Variants in ITSN2 observed in about 807,000 individuals in gnomAD.
The protein encoded by ITSN2 is intersectin-2.
A neutral mutation model predicts 243.7 loss-of-function variants in ITSN2; 156 were observed. The observed-to-expected ratio is 0.64, with a 90% confidence interval of 0.56 to 0.73. The LOEUF (loss-of-function observed/expected upper bound fraction) is 0.73, where lower values mean the gene tolerates loss of function less well. Among genes scored for constraint, ITSN2 ranks in the 30% least tolerant of loss-of-function variants. The pLI, the probability that ITSN2 is intolerant of heterozygous loss-of-function variation, is 0.00. For synonymous variants in ITSN2, 703 were observed against 699.9 expected, an observed-to-expected ratio of 1.00 and a Z score of -0.07; for missense variants, 1,801 against 1,996.1, an observed-to-expected ratio of 0.90 and a Z score of 1.86.
intron 20 of ITSN2, among the ~76,000 whole-genome samples, chr2:24,268,642 AT>A (rs1355523301): frequency 7.2e-5 from 11 of 152,186 alleles, no homozygotes; most frequent in African/African-American, 2.7e-4. Context: ...TTATACTTTA[AT>A]AAGAAAAAAC....
At chr2:24,205,097 A>C (rs575994828) in intron 38 of ITSN2, 117 bp downstream of exon 38, 1 of 769,606 alleles carries the variant, frequency 1.3e-6, no homozygotes, top group Non-Finnish European at 2.3e-6. Flanking sequence ...CAGTGAGCCA[A>C]GATCGTGCCA....
chr2:24,310,207 A>C lies in ITSN2; in HGVS notation c.653+77T>G, dbSNP rs927116797. 1.5e-5 allele frequency: 15 copies of C among 969,614 alleles called. No homozygotes were observed. In the African/African-American group the frequency reaches 2.5e-4, roughly 16 times the overall value. 60.1% of individuals were successfully genotyped at this position (969,614 alleles called of 1,614,324 possible). On this transcript the variant is annotated intron_variant, in intron 7 of 39. Coordinates refer to ENST00000355123, the MANE Select transcript of ITSN2 (RefSeq NM_006277.3). ...TAAAGTAAAACTTAGGTAAGCTCAA[A>C]GCTTTAAAAAAATCATTTGTTAAAT...
intron 24 of ITSN2, 104 bp downstream of exon 24, chr2:24,254,263 G>T (rs923617851): frequency 1.1e-4 from 86 of 765,712 alleles, no homozygotes; most frequent in Non-Finnish European, 3.7e-5. Context: ...CACAGAAATG[G>T]GGAGAATATG....
intron 1 of ITSN2, among the ~76,000 whole-genome samples, chr2:24,331,733 A>G (rs1685808690): frequency 6.6e-6 from 1 of 152,190 alleles, no homozygotes; most frequent in African/African-American, 2.4e-5. Flanking sequence ...TGGACTTTCC[A>G]GTGATGCCAC....
intron 17 of ITSN2, among the ~76,000 whole-genome samples, chr2:24,280,624 G>A (rs1033802849): frequency 6.6e-6 from 1 of 152,184 alleles, no homozygotes; most frequent in Non-Finnish European, 1.5e-5. Flanking sequence ...ATCAGGGTCA[G>A]AGGATAACTA....
intron 15 of ITSN2, among the ~76,000 whole-genome samples, chr2:24,286,631 G>A (rs756323808): frequency 6.6e-6 from 1 of 152,068 alleles, no homozygotes; most frequent in African/African-American, 2.4e-5. Flanking sequence ...TTCACCAATC[G>A]AATCCTCAGG....
In ITSN2 at chr2:24,220,850, T is replaced by G; in HGVS notation, c.3699+95A>C. ...ACACATCAAAAGTGATGCCTTGCTT[T>G]GACTCTGCGTGGAGGCAGCCCTGAG... On this transcript the variant is annotated intron_variant, in intron 30 of 39. Transcript: ENST00000355123. The G allele has an allele frequency of 2.0e-6, 3 of 1,477,516 alleles. No individual in the cohort carries two copies. The South Asian group carries it at 4.4e-5, about 22-fold the overall frequency. 91.5% of individuals were successfully genotyped at this position (1,477,516 alleles called of 1,614,324 possible).
At chr2:24,313,597 G>A (rs1356048165) in intron 3 of ITSN2, 74 bp from the exon 4 acceptor site, 1 of 961,182 alleles carries the variant, frequency 1.0e-6, no homozygotes, top group Non-Finnish European at 1.6e-6. Context: ...GAATAATAAT[G>A]GGTATATGTT....
At position 24,203,701 on chromosome 2, in the gene ITSN2, C is replaced by T; in HGVS notation, c.5019G>A (p.Leu1673=). 2 of 1,614,180 alleles carry T rather than the reference C, an allele frequency of 1.2e-6. No homozygotes were observed. The highest frequency in any genetic ancestry group is 2.2e-5 in the South Asian group (2 of 91,084). The part of the protein sequence containing the change: ...ESKGPMTRRL[L]LHEVPTGEVW... Reference sequence around the variant, plus strand: ...CCTCCCCGGTGGGGACCTCATGCAGCAGCAGTCGGCGGGTCATAGGGCCTT... The same window carrying T: ...CCTCCCCGGTGGGGACCTCATGCAGTAGCAGTCGGCGGGTCATAGGGCCTT... The change falls in exon 40 of 40, where the codon CTG becomes CTA. Residue 1673 remains leucine, a synonymous_variant. Coordinates refer to ENST00000355123, the MANE Select transcript of ITSN2 (RefSeq NM_006277.3).
chr2:24,354,225 C>G (rs939585508), intron 1 of ITSN2, among the ~76,000 whole-genome samples: 1 of 152,194 alleles, frequency 6.6e-6, no homozygotes, highest in Non-Finnish European at 1.5e-5. Context: ...GTGGGGCTGG[C>G]CCAAGATAAA....
chr2:24,286,506 T>C (rs1679530576), intron 15 of ITSN2, among the ~76,000 whole-genome samples, 155 bp from the exon 16 acceptor site: 1 of 152,200 alleles, frequency 6.6e-6, no homozygotes, highest in Non-Finnish European at 1.5e-5. Flanking sequence ...TCAGTTGTTA[T>C]TTCCACTTCC....
At chr2:24,330,805 C>T (rs955668403) in intron 1 of ITSN2, 25 of 399,748 alleles carry the variant, frequency 6.3e-5, no homozygotes, top group African/African-American at 2.3e-4. Context: ...CTCGCTCTAT[C>T]GCCCAGGCTG....
intron 23 of ITSN2, 71 bp from the exon 24 acceptor site, chr2:24,254,502 G>T: frequency 8.0e-7 from 1 of 1,256,080 alleles, no homozygotes; most frequent in Non-Finnish European, 1.2e-6. Flanking sequence ...GTGATTTGAT[G>T]CACAGCAGGT....
At chr2:24,355,831 G>A (rs537697396) in intron 1 of ITSN2, among the ~76,000 whole-genome samples, 38 of 152,282 alleles carry the variant, frequency 2.5e-4, no homozygotes, top group African/African-American at 8.2e-4. Context: ...ATAGGAGGCC[G>A]AGGTGGGAGG....
intron 37 of ITSN2, among the ~76,000 whole-genome samples, chr2:24,205,909 TAGAA>T (rs1209297331): frequency 6.6e-6 from 1 of 152,158 alleles, no homozygotes; most frequent in African/African-American, 2.4e-5. Flanking sequence ...CACTGAGGCT[TAGAA>T]AGGACTGGAG....
intron 17 of ITSN2, among the ~76,000 whole-genome samples, chr2:24,283,346 T>C (rs1170935369): frequency 6.6e-6 from 1 of 152,174 alleles, no homozygotes; most frequent in East Asian, 1.9e-4. Flanking sequence ...CGTCTCAGCT[T>C]CCTGAGTAGC....
intron 29 of ITSN2, chr2:24,239,381 T>A (rs2151246659): frequency 6.6e-6 from 1 of 152,228 alleles, no homozygotes; most frequent in East Asian, 1.9e-4. Context: ...TCAGTTACAT[T>A]TTTAATAGTT....
intron 17 of ITSN2, among the ~76,000 whole-genome samples, chr2:24,283,177 C>T (rs1425225295): frequency 6.6e-6 from 1 of 152,126 alleles, no homozygotes; most frequent in Non-Finnish European, 1.5e-5. Context: ...GCACTTTTAG[C>T]AAGGTCTTCA....
chr2:24,327,296 TTTTC>T (rs1391818416), intron 2 of ITSN2, among the ~76,000 whole-genome samples: 2 of 151,948 alleles, frequency 1.3e-5, no homozygotes, highest in Admixed American at 6.6e-5. Flanking sequence ...TTCTTTTTCT[TTTTC>T]TTTTTCTTTT....
Sources: allele counts gnomAD v4.1 joint callset (sites outside exome capture counted in the v4.1 genomes callset), GRCh38; gene constraint gnomAD v4.1.1; transcripts MANE v1.5; gene names NCBI Gene and HGNC (gene_info 2026-07-23, HGNC 2026-07-21).